Variants in ROBO1 observed in about 807,000 individuals in gnomAD.
ROBO1 encodes the protein roundabout homolog 1.
Under a neutral mutation model 195.9 loss-of-function variants are expected in ROBO1, and 149 were observed. That is an observed-to-expected ratio of 0.76 (90% CI 0.67 to 0.87). ROBO1 has a LOEUF of 0.87. ROBO1 is among the 40% of genes least tolerant of loss of function. The pLI, the probability that ROBO1 is intolerant of heterozygous loss-of-function variation, is 0.00. For synonymous variants in ROBO1, 816 were observed against 733.2 expected (o/e 1.11, Z -1.82); for missense variants, 1,933 against 2,068.3 (o/e 0.93, Z 1.27).
chr3:79,258,670 G>C (rs2082882493), intron 2 of ROBO1, among the ~76,000 whole-genome samples: 3 of 152,058 alleles, frequency 2.0e-5, no homozygotes, highest in African/African-American at 7.2e-5. Flanking sequence ...TACCATTTGG[G>C]ATTCAATTAC....
At chr3:79,231,957 T>C (rs926275869) in intron 2 of ROBO1, among the ~76,000 whole-genome samples, 4 of 151,966 alleles carry the variant, frequency 2.6e-5, no homozygotes, top group Non-Finnish European at 4.4e-5. Context: ...AGCAAACTAA[T>C]GCAGAAACAG....
intron 2 of ROBO1, among the ~76,000 whole-genome samples, chr3:79,139,399 C>A (rs982855882): frequency 6.6e-6 from 1 of 152,052 alleles, no homozygotes; most frequent in African/African-American, 2.4e-5. Context: ...CCAGATCTCT[C>A]CTAGTGGAAA....
chr3:79,605,390 C>A (rs1944452314), intron 1 of ROBO1, among the ~76,000 whole-genome samples: 1 of 151,864 alleles, frequency 6.6e-6, no homozygotes, highest in Non-Finnish European at 1.5e-5. Flanking sequence ...ATTTCTCCAA[C>A]CCAGCCTCTA....
chr3:78,822,484 C>A (rs1387229008), intron 4 of ROBO1, among the ~76,000 whole-genome samples: 1 of 152,108 alleles, frequency 6.6e-6, no homozygotes, highest in Non-Finnish European at 1.5e-5. Flanking sequence ...AGTCCCGGCA[C>A]ATCCAAGGGA....
In ROBO1 at chr3:78,661,190, T is replaced by C; in HGVS notation, c.2160A>G (p.Glu720=). 6.2e-7 allele frequency: 1 copy of C among 1,613,796 alleles called. No individual in the cohort carries two copies. Among genetic ancestry groups the C allele is most frequent in the Non-Finnish European group, 8.5e-7 (1 of 1,179,794 alleles). The change falls in exon 16 of 31, where the codon GAA becomes GAG. Residue 720 remains glutamate, a synonymous_variant. Transcript: ENST00000464233. Reference sequence around the variant, plus strand: ...TCACTTCAAAAACTAACCAGTCTGATTCTCCGTGGTTGGCTCCAGATGGCC... The same window carrying C: ...TCACTTCAAAAACTAACCAGTCTGACTCTCCGTGGTTGGCTCCAGATGGCC... The part of the protein sequence containing the change: ...LYRPSGANHG[E]SDWLVFEVRT...
At chr3:79,404,695 G>A (rs2037482826) in intron 2 of ROBO1, among the ~76,000 whole-genome samples, 1 of 152,046 alleles carries the variant, frequency 6.6e-6, no homozygotes, top group African/African-American at 2.4e-5. Context: ...GACATAGGAT[G>A]AATAAGCCTG....
intron 2 of ROBO1, among the ~76,000 whole-genome samples, chr3:79,372,764 T>C (rs1472735326): frequency 6.6e-6 from 1 of 152,194 alleles, no homozygotes; most frequent in Non-Finnish European, 1.5e-5. Context: ...AATACATTTT[T>C]TTTTCATTAT....
At position 78,636,935 on chromosome 3, in the gene ROBO1, TTATATATATATATATATATATA is replaced by T. The variant is rs55894934; in HGVS notation, c.3038-849_3038-828del. Among the ~76,000 whole-genome samples, 82 of 96,696 alleles carry T rather than the reference TTATATATATATATATATATATA, an allele frequency of 8.5e-4. 2 individuals carry two copies. The highest frequency in any genetic ancestry group is 1.3e-3 in the Admixed American group (11 of 8,678). 63.4% of individuals were successfully genotyped at this position (96,696 alleles called of 152,430 possible). ...TACATACATAATATATACATTCATT[TTATATATATATATATATATATA>T]TATATATATATATATGGCCTGCAGT... On this transcript the variant is annotated intron_variant, in intron 22 of 30. Transcript: ENST00000464233.
intron 1 of ROBO1, among the ~76,000 whole-genome samples, chr3:79,691,215 C>A (rs1347024025): frequency 6.6e-6 from 1 of 151,668 alleles, no homozygotes; most frequent in African/African-American, 2.4e-5. Flanking sequence ...ATTTCTAATG[C>A]CAGATATTTA....
At chr3:79,055,361 A>G (rs963141904) in intron 3 of ROBO1, among the ~76,000 whole-genome samples, 5 of 152,090 alleles carry the variant, frequency 3.3e-5, no homozygotes, top group African/African-American at 1.2e-4. Context: ...TTTCTAAACA[A>G]TGGCCCACCT....
intron 4 of ROBO1, among the ~76,000 whole-genome samples, chr3:78,829,091 T>G (rs1398204979): frequency 1.3e-5 from 2 of 152,172 alleles, no homozygotes; most frequent in East Asian, 3.9e-4. Flanking sequence ...AAGAAAGATC[T>G]GAATATTCTA....
intron 2 of ROBO1, among the ~76,000 whole-genome samples, chr3:79,572,116 C>T (rs144822726): frequency 1.3e-5 from 2 of 152,068 alleles, no homozygotes; most frequent in East Asian, 3.9e-4. Context: ...AACTAACCTG[C>T]ACATTGTGCA....
intron 2 of ROBO1, among the ~76,000 whole-genome samples, chr3:79,450,374 A>AG (rs950782289): frequency 3.3e-5 from 5 of 151,954 alleles, no homozygotes; most frequent in African/African-American, 1.2e-4. Context: ...AAGGAAGAGA[A>AG]GGAAAAAAGA....
At position 78,661,160 on chromosome 3, in the gene ROBO1, C is replaced by T. The variant is rs779531139; in HGVS notation, c.2190G>A (p.Thr730=). The change falls in exon 16 of 31, where the codon ACG becomes ACA. Residue 730 remains threonine, a synonymous_variant. Transcript: ENST00000464233. ...ESDWLVFEVR[T]PAKNSVVIPD... ...GGATTACCACACTGTTTTTGGCTGG[C>T]GTCCTCACTTCAAAAACTAACCAGT... 53 of 1,613,464 alleles carry T rather than the reference C, an allele frequency of 3.3e-5. No homozygotes were observed. Among genetic ancestry groups the T allele is most frequent in the South Asian group, 4.4e-5 (4 of 91,030 alleles).
intron 2 of ROBO1, among the ~76,000 whole-genome samples, chr3:79,541,149 G>A (rs1051383090): frequency 2.0e-5 from 3 of 152,072 alleles, no homozygotes; most frequent in African/African-American, 7.2e-5. Flanking sequence ...CAAAGTTTAC[G>A]TTTGGAAATT....
chr3:79,019,603 A>G lies in ROBO1; in HGVS notation c.173-80676T>C, dbSNP rs114598278. On this transcript the variant is annotated intron_variant, in intron 3 of 30. Coordinates refer to ENST00000464233, the MANE Select transcript of ROBO1 (RefSeq NM_002941.4). ...CTGGTCAGGCAAGTTCTGCTCCTCA[A>G]TATTTCCATCCACAAGCCAGGGGTG... 818 of 970,938 alleles carry G rather than the reference A, an allele frequency of 8.4e-4. 10 individuals carry two copies. In the African/African-American group the frequency reaches 0.013, roughly 15 times the overall value. 60.1% of individuals were successfully genotyped at this position (970,938 alleles called of 1,614,324 possible). A position where few individuals can be genotyped will look rare whatever the true frequency, so the allele number is the denominator to read the frequency against.
At position 78,854,795 on chromosome 3, in the gene ROBO1, G is replaced by A. The variant is rs140681055; in HGVS notation, c.499+83806C>T. Among the ~76,000 whole-genome samples the A allele has an allele frequency of 2.5e-3, 388 of 152,168 alleles. 2 individuals are homozygous for A. Among genetic ancestry groups the A allele is most frequent in the African/African-American group, 8.8e-3 (366 of 41,528 alleles). On this transcript the variant is annotated intron_variant, in intron 4 of 30. Transcript: ENST00000464233. The stretch of plus-strand genomic sequence containing the variant: ...TATAGAAATTTGTCTAAAAAAATGC[G>A]ATGAAGATTATAGGTTCCTTTCACA...
rs373923563 is a variant in ROBO1 at position 79,600,724 on chromosome 3, A to C, written c.-50-10763T>G. Among the ~76,000 whole-genome samples the C allele has an allele frequency of 1.2e-4, 18 of 152,034 alleles. No homozygotes were observed. In the South Asian group the frequency reaches 3.1e-3, roughly 26 times the overall value. On this transcript the variant is annotated intron_variant, in intron 1 of 30. Transcript: ENST00000464233. Reference sequence around the variant, plus strand: ...TGTACATTAAAGATAAAAAATCCACACTGTGCTAATTTCACATTTCAATAA... The same window carrying C: ...TGTACATTAAAGATAAAAAATCCACCCTGTGCTAATTTCACATTTCAATAA...
chr3:78,708,170 A>T (rs1020359593), intron 8 of ROBO1, among the ~76,000 whole-genome samples: 1 of 152,212 alleles, frequency 6.6e-6, no homozygotes, highest in African/African-American at 2.4e-5. Context: ...AATGAGTATC[A>T]TTGAAGCAAG....
Sources: allele counts gnomAD v4.1 joint callset (sites outside exome capture counted in the v4.1 genomes callset), GRCh38; gene constraint gnomAD v4.1.1; transcripts MANE v1.5; gene names NCBI Gene and HGNC (gene_info 2026-07-23, HGNC 2026-07-21).